SYN3: variants seen among roughly 807,000 people sequenced by gnomAD.
SYN3 encodes the protein synapsin-3.
In SYN3, 35 loss-of-function variants were observed where a neutral mutation model predicts 65.8. The observed-to-expected ratio is 0.53, with a 90% confidence interval of 0.41 to 0.70. The LOEUF is 0.70. Ranked by LOEUF, SYN3 falls within the 30% of genes least tolerant of loss-of-function variation. SYN3 has a pLI of 0.00. For missense variants in SYN3, 680 were observed against 749.0 expected, an observed-to-expected ratio of 0.91 and a Z score of 1.08; for synonymous variants, 270 against 292.9, an observed-to-expected ratio of 0.92 and a Z score of 0.80.
chr22:32,755,439 C>A (rs975862817), intron 6 of SYN3, among the ~76,000 whole-genome samples: 47 of 152,280 alleles, frequency 3.1e-4, no homozygotes, highest in African/African-American at 1.1e-3. Context: ...TAATTCTGGT[C>A]CAAGGGGCTC....
chr22:32,532,891 G>A (rs899938990), intron 10 of SYN3, among the ~76,000 whole-genome samples: 7 of 152,132 alleles, frequency 4.6e-5, no homozygotes, highest in Non-Finnish European at 1.0e-4. Context: ...CTGGAGCTGT[G>A]AGTGTGGAGA....
intron 3 of SYN3, among the ~76,000 whole-genome samples, chr22:32,964,985 C>T (rs2051782419): frequency 6.6e-6 from 1 of 152,118 alleles, no homozygotes; most frequent in African/African-American, 2.4e-5. Context: ...CGATCAGTCC[C>T]CATTCAACAG....
chr22:32,557,073 T>C (rs184910423), intron 7 of SYN3, among the ~76,000 whole-genome samples: 2 of 152,338 alleles, frequency 1.3e-5, no homozygotes, highest in East Asian at 1.9e-4. Context: ...ATGTTCTTAA[T>C]GCATACAAAG....
chr22:32,724,133 A>G (rs1356026540), intron 6 of SYN3, among the ~76,000 whole-genome samples: 5 of 152,372 alleles, frequency 3.3e-5, no homozygotes, highest in South Asian at 2.1e-4. Flanking sequence ...GGAGTGGTGA[A>G]GCAGGATAGG....
At chr22:32,920,771 A>G (rs1054727451) in intron 4 of SYN3, among the ~76,000 whole-genome samples, 1 of 152,100 alleles carries the variant, frequency 6.6e-6, no homozygotes, top group African/African-American at 2.4e-5. Flanking sequence ...TGGCAGCATC[A>G]ACTCAGCTCC....
chr22:32,890,610 G>C (rs932483090), intron 4 of SYN3, among the ~76,000 whole-genome samples: 3 of 151,964 alleles, frequency 2.0e-5, no homozygotes, highest in Non-Finnish European at 4.4e-5. Context: ...TTGATCTCCT[G>C]ACCTCGTGAT....
At chr22:32,782,924 TTCTCTATTGAGAAGCAAC>T (rs2046105936) in intron 6 of SYN3, among the ~76,000 whole-genome samples, 1 of 151,982 alleles carries the variant, frequency 6.6e-6, no homozygotes, top group South Asian at 2.1e-4. Flanking sequence ...GAAGGAGCAA[TTCTCTATTGAGAAGCAAC>T]TCTCTATTGA....
chr22:32,527,264 C>A (rs2057993661), intron 12 of SYN3, among the ~76,000 whole-genome samples: 1 of 152,140 alleles, frequency 6.6e-6, no homozygotes. Context: ...TCTGAAAGGC[C>A]AGACTTGTAA....
chr22:33,015,705 A>G (rs1421796868), intron 1 of SYN3, among the ~76,000 whole-genome samples: 1 of 152,220 alleles, frequency 6.6e-6, no homozygotes, highest in African/African-American at 2.4e-5. Flanking sequence ...TAAATTAATG[A>G]GCACCGAATT....
chr22:32,618,186 G>A (rs938251916), intron 6 of SYN3, among the ~76,000 whole-genome samples: 6 of 152,182 alleles, frequency 3.9e-5, no homozygotes, highest in Non-Finnish European at 7.3e-5. Context: ...ATCCAGCACA[G>A]TGCCTGACAC....
At chr22:32,573,143 C>A (rs1020631391) in intron 7 of SYN3, among the ~76,000 whole-genome samples, 1 of 152,156 alleles carries the variant, frequency 6.6e-6, no homozygotes, top group Non-Finnish European at 1.5e-5. Flanking sequence ...CCCCAGAGAG[C>A]CAGTTTGCCA....
intron 7 of SYN3, among the ~76,000 whole-genome samples, chr22:32,589,595 C>T (rs2059100569): frequency 6.6e-6 from 1 of 152,306 alleles, no homozygotes; most frequent in African/African-American, 2.4e-5. Context: ...TGATGAGAAC[C>T]TCTTACCTAA....
intron 2 of SYN3, among the ~76,000 whole-genome samples, chr22:33,003,466 A>C (rs900497765): frequency 6.6e-6 from 1 of 152,162 alleles, no homozygotes. Context: ...GTCCAGGTTG[A>C]GGTGGTCTCA....
chr22:32,890,405 G>C (rs1265026759), intron 4 of SYN3, among the ~76,000 whole-genome samples: 1 of 151,202 alleles, frequency 6.6e-6, no homozygotes, highest in Non-Finnish European at 1.5e-5. Context: ...ATTTGAGACA[G>C]AGTCTCGCTC....
intron 5 of SYN3, among the ~76,000 whole-genome samples, chr22:32,868,428 A>G (rs1002934369): frequency 4.0e-5 from 6 of 151,442 alleles, no homozygotes; most frequent in African/African-American, 1.5e-4. Flanking sequence ...ATTAACGTAT[A>G]TGCATTTATT....
chr22:32,661,330 C>G (rs1318045462), intron 6 of SYN3, among the ~76,000 whole-genome samples: 1 of 152,238 alleles, frequency 6.6e-6, no homozygotes, highest in Admixed American at 6.5e-5. Flanking sequence ...GGTCCAATCT[C>G]CTTGCATTCC....
intron 6 of SYN3, among the ~76,000 whole-genome samples, chr22:32,723,272 A>G (rs2061144773): frequency 1.3e-5 from 2 of 152,190 alleles, no homozygotes; most frequent in South Asian, 4.1e-4. Context: ...AGTCAACATC[A>G]CTTGCTTCTG....
chr22:32,877,977 CATG>C (rs1228986608), intron 4 of SYN3, among the ~76,000 whole-genome samples: 4 of 152,314 alleles, frequency 2.6e-5, no homozygotes, highest in African/African-American at 9.6e-5. Context: ...TCTTTATCCT[CATG>C]ATAACTCTAC....
At chr22:32,730,334 C>A (rs1490890764) in intron 6 of SYN3, among the ~76,000 whole-genome samples, 2 of 152,334 alleles carry the variant, frequency 1.3e-5, no homozygotes, top group East Asian at 3.9e-4. Context: ...CTTCGACACT[C>A]GGCTTACTGA....
Sources: gnomAD v4.1 joint callset for allele counts (sites outside exome capture counted in the v4.1 genomes callset) on GRCh38, gnomAD v4.1.1 for gene constraint, MANE v1.5 for transcripts, NCBI Gene and HGNC (gene_info 2026-07-23, HGNC 2026-07-21) for gene names.